Variants in LARGE1 observed in about 807,000 individuals in gnomAD.
LARGE1 encodes the protein LARGE xylosyl- and glucuronyltransferase 1, also known as xylosyl- and glucuronyltransferase LARGE1.
In LARGE1, 43 loss-of-function variants were observed where a neutral mutation model predicts 87.6. That is an observed-to-expected ratio of 0.49 (90% CI 0.38 to 0.63). The LOEUF is 0.63. Ranked by LOEUF, LARGE1 falls within the 30% of genes least tolerant of loss-of-function variation. The probability of loss-of-function intolerance (pLI) is 0.00; values close to 1 mark genes in which losing one functional copy is unlikely to be tolerated. For synonymous variants in LARGE1, 434 were observed against 394.6 expected (o/e 1.10, Z -1.18); for missense variants, 802 against 1,000.2 (o/e 0.80, Z 2.67).
chr22:33,877,958 C>G (rs116339703), intron 1 of LARGE1, among the ~76,000 whole-genome samples: 5,261 of 151,366 alleles, frequency 0.035, 316 homozygotes, highest in African/African-American at 0.12. Flanking sequence ...ATACATACCA[C>G]AGTCCAGACA....
At chr22:33,544,660 C>T (rs1018260204) in intron 6 of LARGE1, among the ~76,000 whole-genome samples, 4 of 149,904 alleles carry the variant, frequency 2.7e-5, no homozygotes, top group African/African-American at 9.8e-5. Context: ...CCAGCCTGGG[C>T]AAACAGAGCA....
chr22:33,279,497 C>T (rs561348685), intron 13 of LARGE1, among the ~76,000 whole-genome samples: 1 of 152,182 alleles, frequency 6.6e-6, no homozygotes, highest in Non-Finnish European at 1.5e-5. Context: ...TGGACTCCCC[C>T]CAAACCCTCA....
At chr22:33,342,644 T>A (rs989699206) in intron 9 of LARGE1, among the ~76,000 whole-genome samples, 1 of 152,136 alleles carries the variant, frequency 6.6e-6, no homozygotes, top group Non-Finnish European at 1.5e-5. Context: ...CTGTGCCAAG[T>A]CAGGGTTGGG....
intron 6 of LARGE1, among the ~76,000 whole-genome samples, chr22:33,532,743 G>A (rs2076934996): frequency 6.6e-6 from 1 of 152,210 alleles, no homozygotes; most frequent in South Asian, 2.1e-4. Flanking sequence ...CAGAATGCAA[G>A]CAAGAATTCA....
At chr22:33,488,639 A>C (rs2069690643) in intron 6 of LARGE1, among the ~76,000 whole-genome samples, 1 of 152,240 alleles carries the variant, frequency 6.6e-6, no homozygotes, top group South Asian at 2.1e-4. Context: ...GACATTAAAA[A>C]GTCATACAGA....
the LARGE1 span, among the ~76,000 whole-genome samples, chr22:33,150,922 C>T: frequency 5.9e-5 from 9 of 152,082 alleles, no homozygotes; most frequent in East Asian, 1.5e-3. Context: ...ATTGTTTTCC[C>T]TAGTCTAGTT....
chr22:33,127,839 A>T, the LARGE1 span, among the ~76,000 whole-genome samples: 413 of 152,334 alleles, frequency 2.7e-3, 19 homozygotes, highest in South Asian at 0.078. Flanking sequence ...TCCTAGAGTC[A>T]TAGAGTGAGA....
intron 6 of LARGE1, among the ~76,000 whole-genome samples, chr22:33,550,507 T>C (rs2077494761): frequency 1.3e-5 from 2 of 152,116 alleles, no homozygotes; most frequent in South Asian, 4.1e-4. Context: ...AGTTATGAGA[T>C]ATCATCTTAA....
At chr22:33,692,154 AATACC>A (rs2082115933) in intron 2 of LARGE1, among the ~76,000 whole-genome samples, 1 of 152,184 alleles carries the variant, frequency 6.6e-6, no homozygotes, top group Non-Finnish European at 1.5e-5. Flanking sequence ...TGGAAAAGAA[AATACC>A]ATTAGATAGT....
intron 12 of LARGE1, among the ~76,000 whole-genome samples, chr22:33,294,350 A>G (rs759351220): frequency 3.9e-5 from 6 of 152,228 alleles, no homozygotes; most frequent in Admixed American, 2.0e-4. Context: ...CCTGTTCTGC[A>G]GCATCAAATG....
At chr22:33,578,706 A>G (rs1003585852) in intron 5 of LARGE1, among the ~76,000 whole-genome samples, 3 of 152,194 alleles carry the variant, frequency 2.0e-5, no homozygotes, top group Non-Finnish European at 4.4e-5. Flanking sequence ...CAAAAACCTT[A>G]ATCGTTTTTG....
chr22:33,306,953 A>C (rs1935002267), intron 11 of LARGE1, among the ~76,000 whole-genome samples: 1 of 152,190 alleles, frequency 6.6e-6, no homozygotes, highest in African/African-American at 2.4e-5. Flanking sequence ...TACAGATAAC[A>C]CAGCTGGATG....
chr22:33,445,631 T>C (rs1040457415), intron 6 of LARGE1, among the ~76,000 whole-genome samples: 1 of 151,412 alleles, frequency 6.6e-6, no homozygotes, highest in African/African-American at 2.4e-5. Flanking sequence ...CAACACCTTT[T>C]GTTCTAAGGG....
chr22:33,662,101 G>C (rs2081143338), intron 2 of LARGE1, among the ~76,000 whole-genome samples: 1 of 135,954 alleles, frequency 7.4e-6, no homozygotes, highest in Admixed American at 7.2e-5. Flanking sequence ...AAAAAAAAAG[G>C]AAAAGAATCT....
exon 12 of LARGE1, chr22:33,164,330 A>G (rs1426919019): frequency 6.6e-6 from 1 of 152,136 alleles, no homozygotes; most frequent in Non-Finnish European, 1.5e-5. Flanking sequence ...CAGGAGCTCG[A>G]AGTTCCCAAG....
rs1185896635 is a variant in LARGE1 at position 33,274,455 on chromosome 22, T to C, written c.2243A>G (p.Lys748Arg). ...GCTGTTGTTCTCGGCTGTGAGATAT[T>C]TCAGGGCAGCAAAGCCGTAGCGGCG... ...MSRRYGFAAL[K>R]YLTAENNS Residue 748 changes from lysine (K) to arginine (R), a missense_variant, in exon 15 of 15, where the codon AAA (lysine) becomes AGA (arginine). Lys to Arg is a conservative substitution (Grantham distance 26). This residue lies in a region of LARGE1 where 625 missense variants were observed against 841.9 expected (regional missense o/e 0.74). Transcript: ENST00000397394. 11 of 1,614,190 alleles carry C rather than the reference T, an allele frequency of 6.8e-6. No individual in the cohort carries two copies. The highest frequency in any genetic ancestry group is 5.5e-5 in the South Asian group (5 of 91,086).
chr22:33,457,196 T>G (rs1323482315), intron 6 of LARGE1, among the ~76,000 whole-genome samples: 1 of 151,824 alleles, frequency 6.6e-6, no homozygotes, highest in Non-Finnish European at 1.5e-5. Context: ...GGCGTGATCT[T>G]GGCTCACTGA....
At chr22:33,734,025 G>A (rs569196502) in intron 2 of LARGE1, among the ~76,000 whole-genome samples, 1 of 152,096 alleles carries the variant, frequency 6.6e-6, no homozygotes, top group Non-Finnish European at 1.5e-5. Context: ...TGTCAGGGAG[G>A]GATACGCTTA....
At chr22:33,719,548 T>A (rs1410302427) in intron 2 of LARGE1, among the ~76,000 whole-genome samples, 2 of 150,576 alleles carry the variant, frequency 1.3e-5, no homozygotes, top group South Asian at 4.2e-4. Flanking sequence ...TGAGACAGAG[T>A]CTCACTCTGT....
Sources: gnomAD v4.1 joint callset for allele counts (sites outside exome capture counted in the v4.1 genomes callset) on GRCh38, gnomAD v4.1.1 for gene constraint, gnomAD v4.1.1 regional missense constraint, MANE v1.5 for transcripts, NCBI Gene and HGNC (gene_info 2026-07-23, HGNC 2026-07-21) for gene names.